Variants in DSTYK observed in about 807,000 individuals in gnomAD.
The protein encoded by DSTYK is RIP-homologous kinase.
DSTYK carries 34 observed loss-of-function variants against 98.7 expected under a neutral mutation model. The observed-to-expected ratio is 0.34, with a 90% CI of 0.26 to 0.46. The LOEUF (loss-of-function observed/expected upper bound fraction) is 0.46, where lower values mean the gene tolerates loss of function less well. Among genes scored for constraint, DSTYK ranks in the 20% least tolerant of loss-of-function variants. The probability of loss-of-function intolerance (pLI) is 1.00; values close to 1 mark genes in which losing one functional copy is unlikely to be tolerated. For synonymous variants in DSTYK, 462 were observed against 457.3 expected, an observed-to-expected ratio of 1.01 and a Z score of -0.13; for missense variants, 962 against 1,181.7, an observed-to-expected ratio of 0.81 and a Z score of 2.73.
chr1:205,201,190 C>A (rs1017653532), intron 1 of DSTYK, among the ~76,000 whole-genome samples: 1 of 152,082 alleles, frequency 6.6e-6, no homozygotes. Context: ...CAGGCATGAG[C>A]CACCATGATG....
chr1:205,154,377 G>A (rs747173466), intron 10 of DSTYK, among the ~76,000 whole-genome samples: 12 of 152,092 alleles, frequency 7.9e-5, no homozygotes, highest in Admixed American at 1.3e-4. Context: ...CCCACATGTC[G>A]TGGGAGGGAC....
chr1:205,197,892 A>C (rs1251541575), intron 1 of DSTYK, among the ~76,000 whole-genome samples: 1 of 152,228 alleles, frequency 6.6e-6, no homozygotes, highest in Non-Finnish European at 1.5e-5. Flanking sequence ...CATCAGGTTC[A>C]TTAAATAAGA....
rs1657237297 is a variant in DSTYK at position 205,146,507 on chromosome 1, T to C, written c.*1051A>G. 6.6e-6 allele frequency: 1 copy of C among 151,960 alleles called. No homozygotes were observed. The highest frequency in any genetic ancestry group is 2.1e-4 in the South Asian group (1 of 4,820). The allele number at this position is 151,960 out of a possible 1,614,324, so 9.4% of individuals were successfully genotyped here. A position where few individuals can be genotyped will look rare whatever the true frequency, so the allele number is the denominator to read the frequency against. ...CCAATAACTCCTGTGTGTATGTCTA[T>C]ATAGATAGAGATATAGACACACACA... On this transcript the variant is annotated 3_prime_UTR_variant, in exon 13 of 13. Coordinates refer to ENST00000367162, the MANE Select transcript of DSTYK (RefSeq NM_015375.3).
At chr1:205,179,301 G>A (rs1402386887) in intron 2 of DSTYK, among the ~76,000 whole-genome samples, 1 of 151,872 alleles carries the variant, frequency 6.6e-6, no homozygotes, top group Non-Finnish European at 1.5e-5. Context: ...TTGGTGTTTG[G>A]GAAGTTATGA....
In DSTYK at chr1:205,187,531, G is replaced by T. The variant is rs750241134; in HGVS notation, c.541C>A (p.Gln181Lys). ...YELVHTLVAH[Q>K]GNWETIPEED... is the part of the protein sequence containing the mutation. ...TCAGGGATGGTCTCCCAGTTGCCCT[G>T]ATGAGCAACCAGCGTGTGCACTAGT... The change falls in exon 2 of 13, where the codon CAG becomes AAG. Residue 181 changes from glutamine to lysine, a missense_variant. By Grantham distance (53) the Gln-to-Lys change is moderately conservative. This residue lies in a region of DSTYK where 660 missense variants were observed against 855.0 expected (regional missense o/e 0.77). Transcript: ENST00000367162. 1.2e-6 allele frequency: 2 copies of T among 1,614,082 alleles called. No individual in the cohort carries two copies. Among genetic ancestry groups the T allele is most frequent in the African/African-American group, 2.7e-5 (2 of 74,924 alleles).
Position 205,150,630 on chromosome 1 carries a change from A to C in DSTYK, c.2467+50T>G, listed in dbSNP as rs1223405207. The C allele has an allele frequency of 6.9e-7, 1 of 1,441,526 alleles. No individual in the cohort carries two copies. Among genetic ancestry groups the C allele is most frequent in the Non-Finnish European group, 9.7e-7 (1 of 1,029,276 alleles). The allele number at this position is 1,441,526 out of a possible 1,614,324, so 89.3% of individuals were successfully genotyped here. A position where few individuals can be genotyped will look rare whatever the true frequency, so the allele number is the denominator to read the frequency against. On this transcript the variant is annotated intron_variant, in intron 11 of 12. Coordinates refer to ENST00000367162, the MANE Select transcript of DSTYK (RefSeq NM_015375.3). This position sits in a 1 kb window ranked among gnomAD's most constrained non-coding sequence, Gnocchi z 4.1. ...ACGAGCTCAAGGGGTAGCACTCAGG[A>C]TTAAAGTAGTACGCCCTGCCCAGAC... is the stretch of plus-strand genomic sequence containing the variant.
intron 1 of DSTYK, among the ~76,000 whole-genome samples, chr1:205,208,178 CCTTA>C (rs1659264392): frequency 6.6e-6 from 1 of 152,148 alleles, no homozygotes; most frequent in Non-Finnish European, 1.5e-5. Flanking sequence ...CCGCACCCAG[CCTTA>C]CTTTTTAAAT....
Position 205,211,131 on chromosome 1 carries a change from GC to G in DSTYK, c.265+139del, listed in dbSNP as rs1659360301. On this transcript the variant is annotated intron_variant, in intron 1 of 12. Coordinates refer to ENST00000367162, the MANE Select transcript of DSTYK (RefSeq NM_015375.3). ...GGTATCCCAGATCCGGCCGGCCCATGCCCGGGGACCCGGCCACACGACACGA... is the reference window on the plus strand; with the variant it reads ...GGTATCCCAGATCCGGCCGGCCCATGCCGGGGACCCGGCCACACGACACGA... The G allele has an allele frequency of 7.0e-6, 9 of 1,285,872 alleles. No homozygotes were observed. In the South Asian group the frequency reaches 1.4e-4, roughly 21 times the overall value. The allele number at this position is 1,285,872 out of a possible 1,614,324, so 79.7% of individuals were successfully genotyped here.
At position 205,187,602 on chromosome 1, in the gene DSTYK, T is replaced by C. The variant is rs546458057; in HGVS notation, c.470A>G (p.Tyr157Cys). Residue 157 changes from tyrosine (Y) to cysteine (C), a missense_variant, in exon 2 of 13, where the codon TAT becomes TGT. Around this residue, in one of 4 missense-constraint regions of DSTYK, gnomAD observed 660 missense variants for 855.0 expected, o/e 0.77. Coordinates refer to ENST00000367162, the MANE Select transcript of DSTYK (RefSeq NM_015375.3). ...CAGGCTGACCCGAGTCTGAGTCCCA[T>C]AGGTGAAGCGGAGGCGCCGAAGCTT... ...SCKLRRLRFT[Y>C]GTQTRVSLAL... 20 of 1,614,124 alleles carry C rather than the reference T, an allele frequency of 1.2e-5. No homozygotes were observed. The East Asian group carries it at 1.3e-4, about 11-fold the overall frequency.
intron 10 of DSTYK, among the ~76,000 whole-genome samples, chr1:205,152,174 TTTTG>T (rs1399693438): frequency 3.3e-5 from 5 of 152,166 alleles, no homozygotes; most frequent in Admixed American, 6.6e-5. Context: ...TTATAATCTT[TTTTG>T]TTTGTTTTTG....
In DSTYK at chr1:205,211,513, C is replaced by G. The variant is rs774599096; in HGVS notation, c.23G>C (p.Trp8Ser). 9.6e-6 allele frequency: 15 copies of G among 1,560,082 alleles called. No individual in the cohort carries two copies. Among genetic ancestry groups the G allele is most frequent in the Non-Finnish European group, 1.3e-5 (15 of 1,159,276 alleles). ...GGGACCCGAGACGGGCTCGCTGCCC[C>G]ATGGCACCCCGTCGCCCTCCATCGC... MEGDGVP[W>S]GSEPVSGPGP... The change falls in exon 1 of 13, where the codon TGG becomes TCG. Residue 8 changes from tryptophan (W) to serine (S), a missense_variant. Physicochemically the swap from Trp to Ser is radical, Grantham distance 177. Transcript: ENST00000367162.
At chr1:205,203,303 T>C (rs1287526348) in intron 1 of DSTYK, among the ~76,000 whole-genome samples, 1 of 146,098 alleles carries the variant, frequency 6.8e-6, no homozygotes, top group Non-Finnish European at 1.5e-5. Context: ...GCCAAAACGG[T>C]GAAACCCCGT....
intron 1 of DSTYK, among the ~76,000 whole-genome samples, chr1:205,209,490 A>G (rs1324038565): frequency 6.7e-6 from 1 of 149,190 alleles, no homozygotes; most frequent in African/African-American, 2.4e-5. Flanking sequence ...AGTTTCAGAA[A>G]AACTAGTCAT....
At chr1:205,206,742 C>T (rs879389013) in intron 1 of DSTYK, among the ~76,000 whole-genome samples, 48 of 151,456 alleles carry the variant, frequency 3.2e-4, no homozygotes, top group African/African-American at 9.7e-4. Flanking sequence ...CCACCCTGCC[C>T]GGCTAATTTT....
Position 205,169,912 on chromosome 1 carries a change from C to T in DSTYK, c.655-80G>A. On this transcript the variant is annotated intron_variant, in intron 2 of 12. Transcript: ENST00000367162. This position sits in a 1 kb window ranked among gnomAD's most constrained non-coding sequence, Gnocchi z 4.0. Reference sequence around the variant, plus strand: ...TCTCCCCAAAGTCCCACACTGAGACCAAAATCCTGATCTACAATGGAACAA... The same window carrying T: ...TCTCCCCAAAGTCCCACACTGAGACTAAAATCCTGATCTACAATGGAACAA... 2 of 1,342,192 alleles carry T rather than the reference C, an allele frequency of 1.5e-6. 1 individual carries two copies. Among genetic ancestry groups the T allele is most frequent in the Middle Eastern group, 4.1e-4 (2 of 4,924 alleles). 83.1% of individuals were successfully genotyped at this position (1,342,192 alleles called of 1,614,324 possible). A position where few individuals can be genotyped will look rare whatever the true frequency, so the allele number is the denominator to read the frequency against.
chr1:205,207,513 G>A (rs577994393), intron 1 of DSTYK, among the ~76,000 whole-genome samples: 1 of 151,206 alleles, frequency 6.6e-6, no homozygotes, highest in East Asian at 2.0e-4. Context: ...CACTTTGGGA[G>A]GCCAAGGCAG....
intron 1 of DSTYK, among the ~76,000 whole-genome samples, chr1:205,207,198 C>G (rs1453834069): frequency 6.6e-6 from 1 of 151,762 alleles, no homozygotes; most frequent in African/African-American, 2.4e-5. Flanking sequence ...CCTGCCTCAG[C>G]CTCCCGAGTA....
chr1:205,201,998 T>G (rs1039034252), intron 1 of DSTYK, among the ~76,000 whole-genome samples: 1 of 151,354 alleles, frequency 6.6e-6, no homozygotes, highest in Non-Finnish European at 1.5e-5. Context: ...AGGCAGAGGT[T>G]GCAGTGAGCC....
chr1:205,208,700 C>G (rs1036039550), intron 1 of DSTYK, among the ~76,000 whole-genome samples: 2 of 151,930 alleles, frequency 1.3e-5, no homozygotes, highest in African/African-American at 2.4e-5. Context: ...AAAGTGAGAC[C>G]CCATCTTTAC....
Sources: gnomAD v4.1 joint callset for allele counts (sites outside exome capture counted in the v4.1 genomes callset) on GRCh38, gnomAD v4.1.1 for gene constraint, gnomAD v4.1.1 regional missense constraint, Gnocchi (gnomAD v3.1) non-coding constraint, MANE v1.5 for transcripts, NCBI Gene and HGNC (gene_info 2026-07-23, HGNC 2026-07-21) for gene names.